DPP6: variants seen among roughly 807,000 people sequenced by gnomAD.
DPP6 encodes the protein A-type potassium channel modulatory protein DPP6.
Under a neutral mutation model 122.6 loss-of-function variants are expected in DPP6, and 69 were observed. The observed-to-expected ratio is 0.56, with a 90% CI of 0.46 to 0.69. The LOEUF (loss-of-function observed/expected upper bound fraction) is 0.69, where lower values mean the gene tolerates loss of function less well. DPP6 is among the 30% of genes least tolerant of loss of function. The pLI, the probability that DPP6 is intolerant of heterozygous loss-of-function variation, is 0.00. For synonymous variants in DPP6, 418 were observed against 433.1 expected (o/e 0.97, Z 0.43); for missense variants, 928 against 1,116.9 (o/e 0.83, Z 2.41).
intron 16 of DPP6, among the ~76,000 whole-genome samples, chr7:154,851,717 A>C (rs1316230025): frequency 6.6e-6 from 1 of 152,248 alleles, no homozygotes; most frequent in African/African-American, 2.4e-5. Context: ...TAAACCACAG[A>C]TAATTTTTTT....
chr7:154,477,787 G>T (rs1203062436), intron 3 of DPP6, among the ~76,000 whole-genome samples: 1 of 152,192 alleles, frequency 6.6e-6, no homozygotes, highest in Non-Finnish European at 1.5e-5. Context: ...GTATCATCAG[G>T]TTATGCCTAT....
rs762554174 is a variant in DPP6 at position 154,783,665 on chromosome 7, G to A, written c.1137-10414G>A. Among the ~76,000 whole-genome samples the A allele has an allele frequency of 2.0e-5, 3 of 152,198 alleles. No individual in the cohort carries two copies. The East Asian group carries it at 5.8e-4, about 29-fold the overall frequency. On this transcript the variant is annotated intron_variant, in intron 10 of 25. Coordinates refer to ENST00000377770, the MANE Select transcript of DPP6 (RefSeq NM_130797.4). ...CCTGTAGAGTCTCCCTCTGATCAAT[G>A]CTTCCCTTTGTCCCCTCGAGAGACA...
At chr7:154,771,031 C>T (rs1320513688) in intron 9 of DPP6, among the ~76,000 whole-genome samples, 3 of 152,218 alleles carry the variant, frequency 2.0e-5, no homozygotes, top group South Asian at 2.1e-4. Flanking sequence ...GCTGCCTCTG[C>T]CAGGGGGCAT....
intron 4 of DPP6, among the ~76,000 whole-genome samples, chr7:154,560,154 G>C (rs978914676): frequency 2.0e-5 from 3 of 151,986 alleles, no homozygotes; most frequent in African/African-American, 4.8e-5. Context: ...AATGATAAAT[G>C]TTGTCAACAT....
At chr7:154,196,527 A>G (rs1185630244) in intron 1 of DPP6, among the ~76,000 whole-genome samples, 2 of 152,180 alleles carry the variant, frequency 1.3e-5, no homozygotes, top group Non-Finnish European at 2.9e-5. Context: ...TCATTTAGTG[A>G]ATGAGTAAAT....
intron 5 of DPP6, among the ~76,000 whole-genome samples, chr7:154,617,767 C>T (rs1002833176): frequency 2.0e-5 from 3 of 152,128 alleles, no homozygotes; most frequent in Non-Finnish European, 2.9e-5. Context: ...AAATCATTCT[C>T]AGTTGGAAGA....
intron 1 of DPP6, among the ~76,000 whole-genome samples, chr7:154,032,795 T>C (rs1358569405): frequency 3.3e-5 from 5 of 151,892 alleles, no homozygotes; most frequent in African/African-American, 1.2e-4. Context: ...CTTTTCTAAA[T>C]TTTAGGGCCT....
chr7:153,805,062 T>A, the DPP6 span, among the ~76,000 whole-genome samples: 1 of 152,208 alleles, frequency 6.6e-6, no homozygotes, highest in Non-Finnish European at 1.5e-5. Flanking sequence ...TTATTTCATT[T>A]GTATTTTCCT....
At chr7:154,612,894 T>G (rs1364933763) in intron 5 of DPP6, among the ~76,000 whole-genome samples, 1 of 152,166 alleles carries the variant, frequency 6.6e-6, no homozygotes, top group Non-Finnish European at 1.5e-5. Flanking sequence ...CAAATTACCA[T>G]AGACTGAGTA....
At chr7:153,816,949 A>T in the DPP6 span, among the ~76,000 whole-genome samples, 1 of 152,066 alleles carries the variant, frequency 6.6e-6, no homozygotes, top group Admixed American at 6.6e-5. Flanking sequence ...GCGGGAGAGA[A>T]AGAACTAGTC....
In DPP6 at chr7:153,984,956, G is replaced by A. The variant is rs560398983; in HGVS notation, c.51+97222G>A. Among the ~76,000 whole-genome samples the A allele has an allele frequency of 2.6e-5, 4 of 152,280 alleles. No homozygotes were observed. The South Asian group carries it at 8.3e-4, about 32-fold the overall frequency. On this transcript the variant is annotated intron_variant, in intron 1 of 25. Coordinates refer to the DPP6 transcript ENST00000404039. Reference sequence around the variant, plus strand: ...ATATTCAGTGCACTAGGGATAAAGTGGCCAATGTGTCTTCATTCCCCAAGC... The same window carrying A: ...ATATTCAGTGCACTAGGGATAAAGTAGCCAATGTGTCTTCATTCCCCAAGC...
In DPP6 at chr7:154,355,609, A is replaced by G. The variant is rs572345006; in HGVS notation, c.244-90605A>G. Among the ~76,000 whole-genome samples the G allele has an allele frequency of 2.6e-5, 4 of 152,304 alleles. No individual in the cohort carries two copies. The East Asian group carries it at 7.7e-4, about 29-fold the overall frequency. ...ATATTGAGTTCTTACAGCCCCATAC[A>G]GTGAAGACACCATGCTTTCCCCCAC... On this transcript the variant is annotated intron_variant, in intron 1 of 25. Transcript: ENST00000377770.
intron 1 of DPP6, among the ~76,000 whole-genome samples, chr7:154,375,484 T>G (rs1813053068): frequency 6.6e-6 from 1 of 152,154 alleles, no homozygotes; most frequent in African/African-American, 2.4e-5. Context: ...TCCACTGTGC[T>G]AGTATTTGGA....
chr7:153,874,898 CCT>C, the DPP6 span, among the ~76,000 whole-genome samples: 5 of 152,014 alleles, frequency 3.3e-5, no homozygotes, highest in Non-Finnish European at 5.9e-5. Flanking sequence ...ATGTTGGAAA[CCT>C]CTAGTATAGG....
chr7:154,055,612 C>G (rs1360016089), intron 1 of DPP6: 1 of 152,130 alleles, frequency 6.6e-6, no homozygotes, highest in Non-Finnish European at 1.5e-5. Flanking sequence ...TATTACGTGT[C>G]TTGCAACTGC....
intron 5 of DPP6, among the ~76,000 whole-genome samples, chr7:154,597,143 G>A (rs183580381): frequency 7.0e-6 from 1 of 142,316 alleles, no homozygotes; most frequent in East Asian, 2.1e-4. Flanking sequence ...TACAGTGAGA[G>A]AGAGACACAG....
At chr7:154,742,447 G>C (rs1478896070) in intron 8 of DPP6, among the ~76,000 whole-genome samples, 2 of 152,166 alleles carry the variant, frequency 1.3e-5, no homozygotes, top group Non-Finnish European at 2.9e-5. Context: ...ATGAAAATTA[G>C]AAAACCAAAC....
At chr7:154,115,661 C>A (rs1806933005) in intron 1 of DPP6, among the ~76,000 whole-genome samples, 1 of 152,096 alleles carries the variant, frequency 6.6e-6, no homozygotes, top group South Asian at 2.1e-4. Flanking sequence ...GCGGTGTGTC[C>A]ATTGTAGTGG....
At chr7:154,225,445 C>A (rs1301364900) in intron 1 of DPP6, among the ~76,000 whole-genome samples, 1 of 152,064 alleles carries the variant, frequency 6.6e-6, no homozygotes, top group Non-Finnish European at 1.5e-5. Context: ...ACAATGGATA[C>A]TCCAATTACG....
Sources: gnomAD v4.1 joint callset for allele counts (sites outside exome capture counted in the v4.1 genomes callset) on GRCh38, gnomAD v4.1.1 for gene constraint, MANE v1.5 for transcripts, NCBI Gene and HGNC (gene_info 2026-07-23, HGNC 2026-07-21) for gene names.